The following KLHDC3 variants were observed in gnomAD, a reference collection of about 807,000 sequenced individuals.
The protein encoded by KLHDC3 is kelch domain containing 3.
Under a neutral mutation model 44.1 loss-of-function variants are expected in KLHDC3, and 5 were observed. The observed-to-expected ratio is 0.11, with a 90% CI of 0.06 to 0.24. The LOEUF is 0.24. Ranked by LOEUF, KLHDC3 falls within the 10% of genes least tolerant of loss-of-function variation. The probability of loss-of-function intolerance (pLI) is 1.00; values close to 1 mark genes in which losing one functional copy is unlikely to be tolerated. For synonymous variants in KLHDC3, 170 were observed against 189.0 expected (o/e 0.90, Z 0.82); for missense variants, 247 against 514.3 (o/e 0.48, Z 5.03).
intron 1 of KLHDC3, 154 bp downstream of exon 1, chr6:43,014,502 AG>A: frequency 2.1e-6 from 1 of 482,062 alleles, no homozygotes; most frequent in Non-Finnish European, 4.1e-6. Flanking sequence ...TAATGGGGAA[AG>A]CAGGGCTAGG....
rs1003540136 is a variant in KLHDC3 at position 43,021,087 on chromosome 6, C to T, written c.*354C>T. 2 of 488,312 alleles carry T rather than the reference C, an allele frequency of 4.1e-6. No individual in the cohort carries two copies. Among genetic ancestry groups the T allele is most frequent in the Non-Finnish European group, 8.1e-6 (2 of 248,360 alleles). The allele number at this position is 488,312 out of a possible 1,614,324, so 30.2% of individuals were successfully genotyped here. Reference sequence around the variant, plus strand: ...GTGTCTGAGCCTCAGGAGCTTCCCCCTCCCCCTTTGCCTATCCCCTCCCCT... The same window carrying T: ...GTGTCTGAGCCTCAGGAGCTTCCCCTTCCCCCTTTGCCTATCCCCTCCCCT... On this transcript the variant is annotated 3_prime_UTR_variant, in exon 11 of 11. Coordinates refer to ENST00000326974, the MANE Select transcript of KLHDC3 (RefSeq NM_057161.4).
In KLHDC3 at chr6:43,018,855, C is replaced by A; in HGVS notation, c.821-8C>A. 1 of 1,603,634 alleles carries A rather than the reference C, an allele frequency of 6.2e-7. No homozygotes were observed. The highest frequency in any genetic ancestry group is 8.5e-7 in the Non-Finnish European group (1 of 1,172,708). On this transcript the variant is annotated splice_region_variant and splice_polypyrimidine_tract_variant and intron_variant, in intron 7 of 10. Coordinates refer to ENST00000326974, the MANE Select transcript of KLHDC3 (RefSeq NM_057161.4). This position sits in a 1 kb window ranked among gnomAD's most constrained non-coding sequence, Gnocchi z 6.0. The stretch of plus-strand genomic sequence containing the variant: ...AGGTATTGAACTTCCATATAAATTT[C>A]TCTTCAGTGTCCTTTACCTGGAAAA...
Position 43,019,180 on chromosome 6 carries a change from TC to T in KLHDC3, c.1003+17del. The T allele has an allele frequency of 3.8e-6, 6 of 1,588,006 alleles. No homozygotes were observed. The highest frequency in any genetic ancestry group is 5.2e-6 in the Non-Finnish European group (6 of 1,156,172). ...TTTGGACTTTAGTAAGTATAGTTAT[TC>T]CTGAATTGCTCCTGCCATCAAGGTC... On this transcript the variant is annotated intron_variant, in intron 9 of 10. Transcript: ENST00000326974.
In KLHDC3 at chr6:43,018,555, C is replaced by G. The variant is rs1235240766; in HGVS notation, c.732C>G (p.Ala244=). 2.5e-6 allele frequency: 4 copies of G among 1,613,872 alleles called. No individual in the cohort carries two copies. In the South Asian group the frequency reaches 4.4e-5, roughly 18 times the overall value. ...CTGAGGGGCGCCGGAGCCACTCGGC[C>G]TGTGAGTGTTTGTTACTTCCCTGTG... is the stretch of plus-strand genomic sequence containing the variant. The part of the protein sequence containing the change: ...VLPEGRRSHS[A]FGYNGELYIF... The change falls in exon 6 of 11, where the codon GCC becomes GCG. Residue 244 remains alanine (A), a splice_region_variant and synonymous_variant. Transcript: ENST00000326974. This position sits in a 1 kb window ranked among gnomAD's most constrained non-coding sequence, Gnocchi z 6.0.
intron 10 of KLHDC3, among the ~76,000 whole-genome samples, 158 bp downstream of exon 10, chr6:43,019,524 A>G (rs1341741647): frequency 1.3e-5 from 2 of 152,156 alleles, no homozygotes; most frequent in African/African-American, 4.8e-5. Context: ...AGGTGAATTG[A>G]CAGCCATCAT....
At chr6:43,020,233 T>A (rs1442298067) in intron 10 of KLHDC3, among the ~76,000 whole-genome samples, 1 of 150,754 alleles carries the variant, frequency 6.6e-6, no homozygotes, top group African/African-American at 2.4e-5. Flanking sequence ...AGGATAGGAG[T>A]GCTGAGTCAG....
rs1205411620 is a variant in KLHDC3, at chr6:43,018,512, C to A, written c.689C>A (p.Pro230His). ...DTRTEAWLDCPPTPVLPEGRR... is the reference protein window; with the variant it reads ...DTRTEAWLDCHPTPVLPEGRR... ...AGAACTGAGGCTTGGCTGGACTGTC[C>A]CCCGACTCCAGTGCTGCCTGAGGGG... The change falls in exon 6 of 11, where the codon CCC becomes CAC. Residue 230 changes from proline to histidine, a missense_variant. Physicochemically the swap from Pro to His is moderately conservative, Grantham distance 77. Around this residue, in one of 2 missense-constraint regions of KLHDC3, gnomAD observed 176 missense variants for 413.5 expected, o/e 0.43. Coordinates refer to ENST00000326974, the MANE Select transcript of KLHDC3 (RefSeq NM_057161.4). The surrounding 1 kb of genome is among the most constrained non-coding windows in gnomAD (Gnocchi z 6.0). 1 of 1,613,980 alleles carries A rather than the reference C, an allele frequency of 6.2e-7. No individual in the cohort carries two copies. Among genetic ancestry groups the A allele is most frequent in the Non-Finnish European group, 8.5e-7 (1 of 1,180,034 alleles).
At position 43,017,032 on chromosome 6, in the gene KLHDC3, C is replaced by G; in HGVS notation, c.-59-102C>G. 1.2e-6 allele frequency: 1 copy of G among 808,288 alleles called. No homozygotes were observed. 50.1% of individuals were successfully genotyped at this position (808,288 alleles called of 1,614,324 possible). A position where few individuals can be genotyped will look rare whatever the true frequency, so the allele number is the denominator to read the frequency against. On this transcript the variant is annotated intron_variant, in intron 1 of 10. Transcript: ENST00000326974. This position sits in a 1 kb window ranked among gnomAD's most constrained non-coding sequence, Gnocchi z 6.0. The stretch of plus-strand genomic sequence containing the variant: ...CTGTGGAGGGGTAGTGTGGGAGGGC[C>G]CCCAGGGTGACACTTGGAGGCAAAG...
At chr6:43,015,138 C>A (rs1048512260) in intron 1 of KLHDC3, among the ~76,000 whole-genome samples, 1 of 152,158 alleles carries the variant, frequency 6.6e-6, no homozygotes, top group African/African-American at 2.4e-5. Flanking sequence ...GGAAGACTTC[C>A]ATTCTTAAGC....
intron 1 of KLHDC3, among the ~76,000 whole-genome samples, chr6:43,016,207 A>C (rs1316542878): frequency 6.6e-6 from 1 of 152,078 alleles, no homozygotes; most frequent in Non-Finnish European, 1.5e-5. Flanking sequence ...TGCTGGGATT[A>C]CAGGTGTGAG....
Position 43,018,818 on chromosome 6 carries a change from C to T in KLHDC3, c.821-45C>T. 1.3e-6 allele frequency: 2 copies of T among 1,555,746 alleles called. No homozygotes were observed. The highest frequency in any genetic ancestry group is 1.8e-6 in the Non-Finnish European group (2 of 1,127,392). On this transcript the variant is annotated intron_variant, in intron 7 of 10. Coordinates refer to ENST00000326974, the MANE Select transcript of KLHDC3 (RefSeq NM_057161.4). The surrounding 1 kb of genome is among the most constrained non-coding windows in gnomAD (Gnocchi z 6.0). Reference sequence around the variant, plus strand: ...GTGAGGGATGGGGGTGGGGAAGATACCTGGACTAGGCAGGTATTGAACTTC... The same window carrying T: ...GTGAGGGATGGGGGTGGGGAAGATATCTGGACTAGGCAGGTATTGAACTTC...
chr6:43,015,024 T>G (rs1385414918), intron 1 of KLHDC3, among the ~76,000 whole-genome samples: 1 of 152,140 alleles, frequency 6.6e-6, no homozygotes, highest in Non-Finnish European at 1.5e-5. Context: ...AAACTAAAAT[T>G]TTTTTTCTCC....
At chr6:43,019,391 G>A in intron 10 of KLHDC3, 25 bp downstream of exon 10, 1 of 1,537,914 alleles carries the variant, frequency 6.5e-7, no homozygotes, top group Non-Finnish European at 9.0e-7. Flanking sequence ...TGGAAGGGAG[G>A]GATTGAGTGA....
rs140936525 is a variant in KLHDC3, at chr6:43,018,396, C to A, written c.573C>A (p.His191Gln). ...ACTCAGCCACAATGCTGGGAAGTCA[C>A]ATGTATGTCTTTGGGGGCCGTGCCG... The part of the protein sequence containing the change: ...DFHSATMLGS[H>Q]MYVFGGRADR... Residue 191 changes from histidine to glutamine, a missense_variant, in exon 6 of 11, where the codon CAC (histidine) becomes CAA (glutamine). His to Gln is a conservative substitution (Grantham distance 24). Coordinates refer to ENST00000326974, the MANE Select transcript of KLHDC3 (RefSeq NM_057161.4). This position sits in a 1 kb window ranked among gnomAD's most constrained non-coding sequence, Gnocchi z 6.0. The A allele has an allele frequency of 5.4e-4, 875 of 1,614,166 alleles. 2 individuals are homozygous for A. Among genetic ancestry groups the A allele is most frequent in the South Asian group, 1.3e-3 (114 of 91,086 alleles).
Position 43,018,372 on chromosome 6 carries a change from C to T in KLHDC3, c.549C>T (p.His183=). The change falls in exon 6 of 11, where the codon CAC becomes CAT. Residue 183 remains histidine, a synonymous_variant. Transcript: ENST00000326974. This position sits in a 1 kb window ranked among gnomAD's most constrained non-coding sequence, Gnocchi z 6.0. ...KGSPARWRDF[H]SATMLGSHMY... ...GCCCTGCACGCTGGAGGGACTTCCACTCAGCCACAATGCTGGGAAGTCACA... is the reference window on the plus strand; with the variant it reads ...GCCCTGCACGCTGGAGGGACTTCCATTCAGCCACAATGCTGGGAAGTCACA... The T allele has an allele frequency of 1.2e-6, 2 of 1,614,046 alleles. No homozygotes were observed. Among genetic ancestry groups the T allele is most frequent in the Non-Finnish European group, 1.7e-6 (2 of 1,180,004 alleles).
At chr6:43,014,498 G>C (rs1223391986) in intron 1 of KLHDC3, 150 bp downstream of exon 1, 1 of 485,924 alleles carries the variant, frequency 2.1e-6, no homozygotes. Context: ...GTGTTAATGG[G>C]GAAAGCAGGG....
Position 43,020,692 on chromosome 6 carries a change from A to G in KLHDC3, c.1108A>G (p.Asn370Asp). 6.2e-7 allele frequency: 1 copy of G among 1,613,816 alleles called. No individual in the cohort carries two copies. The highest frequency in any genetic ancestry group is 8.5e-7 in the Non-Finnish European group (1 of 1,179,876). ...IRWELNAMTTNSNISRPIVSS... is the reference protein window; with the variant it reads ...IRWELNAMTTDSNISRPIVSS... ...GTGGGAGCTGAATGCCATGACCACC[A>G]ACAGCAATATCAGTCGCCCCATCGT... The change falls in exon 11 of 11, where the codon AAC (asparagine) becomes GAC (aspartate). Residue 370 changes from asparagine to aspartate, a missense_variant. By Grantham distance (23) the Asn-to-Asp change is conservative. Coordinates refer to ENST00000326974, the MANE Select transcript of KLHDC3 (RefSeq NM_057161.4).
chr6:43,014,664 T>C (rs1762516880), intron 1 of KLHDC3: 1 of 455,694 alleles, frequency 2.2e-6, no homozygotes, highest in African/African-American at 2.0e-5. Flanking sequence ...GAGGCCGGAA[T>C]GTCTGGAAGA....
At position 43,017,191 on chromosome 6, in the gene KLHDC3, G is replaced by T. The variant is rs1581876780; in HGVS notation, c.-2G>T. 6.2e-7 allele frequency: 1 copy of T among 1,612,122 alleles called. No homozygotes were observed. Among genetic ancestry groups the T allele is most frequent in the Non-Finnish European group, 8.5e-7 (1 of 1,179,538 alleles). ...ATGTTGCTGTAACCAGTGGCCCAGG[G>T]GATGTTACGGTGGACAGTGCACCTG... is the stretch of plus-strand genomic sequence containing the variant. On this transcript the variant is annotated 5_prime_UTR_variant, in exon 2 of 11. Transcript: ENST00000326974. The surrounding 1 kb of genome is among the most constrained non-coding windows in gnomAD (Gnocchi z 6.0).
Sources: gnomAD v4.1 joint callset for allele counts (sites outside exome capture counted in the v4.1 genomes callset) on GRCh38, gnomAD v4.1.1 for gene constraint, gnomAD v4.1.1 regional missense constraint, Gnocchi (gnomAD v3.1) non-coding constraint, MANE v1.5 for transcripts, NCBI Gene and HGNC (gene_info 2026-07-23, HGNC 2026-07-21) for gene names.